CLEC16A: variants seen among roughly 807,000 people sequenced by gnomAD.
The protein encoded by CLEC16A is protein CLEC16A.
A neutral mutation model predicts 109.5 loss-of-function variants in CLEC16A; 51 were observed. The observed-to-expected ratio is 0.47, with a 90% CI of 0.37 to 0.59. The LOEUF is 0.59. Among genes scored for constraint, CLEC16A ranks in the 20% least tolerant of loss-of-function variants. CLEC16A has a pLI of 0.00. For missense variants in CLEC16A, 1,339 were observed against 1,394.0 expected, an observed-to-expected ratio of 0.96 and a Z score of 0.63; for synonymous variants, 673 against 564.2, an observed-to-expected ratio of 1.19 and a Z score of -2.73.
At chr16:10,959,601 A>G (rs995718166) in intron 2 of CLEC16A, among the ~76,000 whole-genome samples, 2 of 152,156 alleles carry the variant, frequency 1.3e-5, no homozygotes, top group African/African-American at 4.8e-5. Context: ...CATGTTGGCC[A>G]GGCTGGTCTC....
At chr16:11,115,600 T>C (rs1024333857) in intron 19 of CLEC16A, among the ~76,000 whole-genome samples, 10 of 152,202 alleles carry the variant, frequency 6.6e-5, no homozygotes, top group African/African-American at 2.4e-4. Context: ...GTGGAACTCC[T>C]GGGCTCAAGC....
intron 22 of CLEC16A, among the ~76,000 whole-genome samples, chr16:11,139,095 T>C (rs1208340072): frequency 6.6e-6 from 1 of 152,166 alleles, no homozygotes; most frequent in African/African-American, 2.4e-5. Context: ...GGCATCTCGA[T>C]GATCCCAACT....
chr16:11,031,399 G>A (rs1444132187), intron 13 of CLEC16A, among the ~76,000 whole-genome samples: 1 of 152,214 alleles, frequency 6.6e-6, no homozygotes, highest in East Asian at 1.9e-4. Context: ...AGACGTCATG[G>A]CTTACTGGGT....
At chr16:11,003,047 C>T (rs555496695) in intron 10 of CLEC16A, 27 bp from the exon 11 acceptor site, 3 of 1,569,976 alleles carry the variant, frequency 1.9e-6, no homozygotes, top group East Asian at 2.3e-5. Context: ...TTCAAATTCA[C>T]CTGTTGCCTT....
chr16:11,076,156 TA>T (rs1210389775), intron 19 of CLEC16A, among the ~76,000 whole-genome samples: 16 of 152,206 alleles, frequency 1.1e-4, no homozygotes, highest in Non-Finnish European at 1.2e-4. Flanking sequence ...TCCTTTTAAA[TA>T]GACGTCAGAC....
chr16:11,005,872 T>TTATTG (rs1193641003), intron 11 of CLEC16A, among the ~76,000 whole-genome samples: 2 of 152,136 alleles, frequency 1.3e-5, no homozygotes, highest in Non-Finnish European at 2.9e-5. Flanking sequence ...GCATCTAGGT[T>TTATTG]TATTGTGTGT....
chr16:11,130,555 C>G (rs1222148536), intron 22 of CLEC16A, among the ~76,000 whole-genome samples: 2 of 152,226 alleles, frequency 1.3e-5, no homozygotes, highest in Non-Finnish European at 2.9e-5. Flanking sequence ...TTTACAGAAG[C>G]CACAGAGTAG....
intron 1 of CLEC16A, among the ~76,000 whole-genome samples, chr16:10,949,264 A>G (rs1351486364): frequency 6.6e-6 from 1 of 152,166 alleles, no homozygotes; most frequent in Non-Finnish European, 1.5e-5. Context: ...TTCTTAAAAT[A>G]TCGTCTTCAC....
At chr16:10,992,724 A>G (rs746570165) in intron 10 of CLEC16A, among the ~76,000 whole-genome samples, 14 of 151,940 alleles carry the variant, frequency 9.2e-5, no homozygotes, top group Non-Finnish European at 1.5e-4. Flanking sequence ...TTGAGCCCCT[A>G]CAAGTTGCAG....
intron 12 of CLEC16A, among the ~76,000 whole-genome samples, chr16:11,021,117 T>G (rs1051810026): frequency 7.2e-5 from 11 of 152,158 alleles, no homozygotes; most frequent in African/African-American, 2.7e-4. Context: ...GGAGGGGTGG[T>G]GGAAATACAC....
At chr16:11,152,562 C>T (rs1597579215) in intron 22 of CLEC16A, among the ~76,000 whole-genome samples, 2 of 152,234 alleles carry the variant, frequency 1.3e-5, no homozygotes, top group South Asian at 2.1e-4. Context: ...CAGTGCCAAT[C>T]CCCTCTGTTG....
intron 19 of CLEC16A, among the ~76,000 whole-genome samples, chr16:11,088,941 G>T (rs1177566547): frequency 6.6e-6 from 1 of 152,204 alleles, no homozygotes; most frequent in East Asian, 1.9e-4. Flanking sequence ...GCAGTTTGTA[G>T]AGTAAAAAGT....
At chr16:11,021,557 G>A (rs1238089344) in intron 12 of CLEC16A, among the ~76,000 whole-genome samples, 1 of 152,168 alleles carries the variant, frequency 6.6e-6, no homozygotes, top group Non-Finnish European at 1.5e-5. Flanking sequence ...TAGCGCTTTG[G>A]GAGGCCAAGG....
chr16:11,132,035 A>T (rs1050614773), intron 22 of CLEC16A, among the ~76,000 whole-genome samples: 1 of 152,070 alleles, frequency 6.6e-6, no homozygotes, highest in Non-Finnish European at 1.5e-5. Flanking sequence ...TGCCCAGGTC[A>T]CCCTAGTTCT....
chr16:11,035,052 A>G (rs1230788883), intron 13 of CLEC16A, among the ~76,000 whole-genome samples: 1 of 152,226 alleles, frequency 6.6e-6, no homozygotes, highest in Non-Finnish European at 1.5e-5. Context: ...AGGTTGTTTC[A>G]GGCAGGAGGC....
At chr16:11,012,361 C>T (rs1029451494) in intron 11 of CLEC16A, among the ~76,000 whole-genome samples, 2 of 152,000 alleles carry the variant, frequency 1.3e-5, no homozygotes, top group Admixed American at 6.5e-5. Flanking sequence ...TTTGGGAGGC[C>T]GAGGTGGGCG....
intron 11 of CLEC16A, among the ~76,000 whole-genome samples, chr16:11,017,550 T>C (rs921569286): frequency 1.3e-5 from 2 of 152,200 alleles, no homozygotes; most frequent in Admixed American, 1.3e-4. Flanking sequence ...TTTACTGACT[T>C]TCTTCCACAG....
intron 16 of CLEC16A, among the ~76,000 whole-genome samples, chr16:11,046,483 T>A (rs902695815): frequency 2.6e-5 from 4 of 152,094 alleles, no homozygotes. Flanking sequence ...TGTGTGTGTG[T>A]GTGTGTCTCA....
chr16:11,138,983 A>G (rs543938340), intron 22 of CLEC16A, among the ~76,000 whole-genome samples: 4 of 147,178 alleles, frequency 2.7e-5, no homozygotes, highest in Admixed American at 8.8e-5. Flanking sequence ...TTGGTGACCA[A>G]TTTGACTGAG....
Sources: gnomAD v4.1 joint callset for allele counts (sites outside exome capture counted in the v4.1 genomes callset) on GRCh38, gnomAD v4.1.1 for gene constraint, MANE v1.5 for transcripts, NCBI Gene and HGNC (gene_info 2026-07-23, HGNC 2026-07-21) for gene names.